The following AGBL4 variants were observed in gnomAD, a reference collection of about 807,000 sequenced individuals.
The protein encoded by AGBL4 is cytosolic carboxypeptidase 6.
AGBL4 carries 58 observed loss-of-function variants against 66.4 expected under a neutral mutation model. The ratio of observed to expected loss-of-function variants is 0.87; its 90% CI spans 0.71 to 1.09. The LOEUF (loss-of-function observed/expected upper bound fraction) is 1.09. AGBL4 is among the 50% of genes least tolerant of loss of function. AGBL4 has a pLI of 0.00. For synonymous variants in AGBL4, 234 were observed against 222.9 expected, an observed-to-expected ratio of 1.05 and a Z score of -0.44; for missense variants, 579 against 631.0, an observed-to-expected ratio of 0.92 and a Z score of 0.88.
intron 1 of AGBL4, among the ~76,000 whole-genome samples, chr1:49,918,844 G>T (rs567876758): frequency 1.7e-4 from 26 of 152,220 alleles, no homozygotes; most frequent in African/African-American, 6.3e-4. Context: ...ATAAAATACT[G>T]GCAAACCAAA....
intron 4 of AGBL4, among the ~76,000 whole-genome samples, chr1:49,224,345 C>T (rs746065543): frequency 1.4e-4 from 21 of 152,098 alleles, no homozygotes; most frequent in Admixed American, 1.3e-3. Flanking sequence ...CGGCCGGACG[C>T]GGTGACTTAT....
chr1:49,785,999 A>G (rs903036691), intron 2 of AGBL4, among the ~76,000 whole-genome samples: 34 of 151,798 alleles, frequency 2.2e-4, no homozygotes, highest in Non-Finnish European at 4.4e-4. Context: ...CGTCAGTGAC[A>G]TTGTCAAATA....
rs1050356185 is a variant in AGBL4, at chr1:49,195,592, C to T, written c.377+50178G>A. ...CTCTTGCTGATATTAGATTTTTCTT[C>T]TTCATATTGACTTTACACACTCAGA... is the stretch of plus-strand genomic sequence containing the variant. On this transcript the variant is annotated intron_variant, in intron 4 of 13. Transcript: ENST00000371839. Among the ~76,000 whole-genome samples, 4 of 152,050 alleles carry T rather than the reference C, an allele frequency of 2.6e-5. No homozygotes were observed. The East Asian group carries it at 7.7e-4, about 29-fold the overall frequency.
chr1:48,625,825 A>C (rs1299298120), intron 9 of AGBL4, among the ~76,000 whole-genome samples: 9 of 152,188 alleles, frequency 5.9e-5, no homozygotes, highest in Admixed American at 5.2e-4. Context: ...GAAGCATGAA[A>C]TCCATCTCTA....
intron 6 of AGBL4, among the ~76,000 whole-genome samples, chr1:48,856,185 A>T (rs989277065): frequency 1.3e-5 from 2 of 152,190 alleles, no homozygotes; most frequent in Non-Finnish European, 1.5e-5. Flanking sequence ...TTGTACAATG[A>T]GCATGTGCAA....
At chr1:49,695,816 G>A (rs1308628567) in intron 3 of AGBL4, among the ~76,000 whole-genome samples, 1 of 151,968 alleles carries the variant, frequency 6.6e-6, no homozygotes, top group East Asian at 1.9e-4. Flanking sequence ...TCAGTCTTGT[G>A]TCCATGGTGT....
chr1:49,223,939 G>A (rs1018379226), intron 4 of AGBL4, among the ~76,000 whole-genome samples: 4 of 152,144 alleles, frequency 2.6e-5, no homozygotes, highest in African/African-American at 9.7e-5. Context: ...GGAGGATGAC[G>A]ATCTTTCTCT....
At chr1:48,988,260 G>C (rs1201881093) in intron 5 of AGBL4, among the ~76,000 whole-genome samples, 1 of 152,120 alleles carries the variant, frequency 6.6e-6, no homozygotes, top group Admixed American at 6.6e-5. Context: ...CTTCTCCACT[G>C]TAATGTAACA....
At chr1:48,769,518 G>A (rs1010016173) in intron 6 of AGBL4, among the ~76,000 whole-genome samples, 6 of 114,946 alleles carry the variant, frequency 5.2e-5, no homozygotes, top group Admixed American at 9.5e-5. Context: ...AGTCCCAGGA[G>A]GATTTAAAAC....
At chr1:48,699,280 G>T (rs759021040) in intron 6 of AGBL4, among the ~76,000 whole-genome samples, 1 of 152,176 alleles carries the variant, frequency 6.6e-6, no homozygotes, top group Non-Finnish European at 1.5e-5. Flanking sequence ...CCTGAGTTTT[G>T]TTCTCTGTAA....
intron 3 of AGBL4, among the ~76,000 whole-genome samples, chr1:49,367,794 T>C (rs1033843518): frequency 1.3e-5 from 2 of 152,212 alleles, no homozygotes; most frequent in Non-Finnish European, 2.9e-5. Context: ...CCATTTTAAA[T>C]TATTTACCAA....
intron 2 of AGBL4, among the ~76,000 whole-genome samples, chr1:49,795,853 A>C (rs1335513684): frequency 6.6e-6 from 1 of 152,088 alleles, no homozygotes; most frequent in Non-Finnish European, 1.5e-5. Flanking sequence ...AAAGACTAGA[A>C]GAAAACTTGA....
downstream of AGBL4, among the ~76,000 whole-genome samples, chr1:48,531,203 TTTTTTC>T (rs1176795533): frequency 8.0e-6 from 1 of 124,412 alleles, no homozygotes; most frequent in Non-Finnish European, 1.9e-5. Context: ...GCCAGCTTTT[TTTTTTC>T]TCTCTCTCTC....
intron 3 of AGBL4, among the ~76,000 whole-genome samples, chr1:49,279,680 T>C (rs925092016): frequency 6.6e-6 from 1 of 152,112 alleles, no homozygotes; most frequent in Admixed American, 6.6e-5. Context: ...ATTCCAAACC[T>C]GCTAAAACCA....
intron 6 of AGBL4, among the ~76,000 whole-genome samples, chr1:48,716,553 T>C (rs894982216): frequency 2.0e-5 from 3 of 152,016 alleles, no homozygotes; most frequent in Non-Finnish European, 2.9e-5. Flanking sequence ...GGGGAGAGAC[T>C]GGGAGGGATG....
chr1:49,869,595 G>A (rs1273348037), intron 1 of AGBL4, among the ~76,000 whole-genome samples: 2 of 152,142 alleles, frequency 1.3e-5, no homozygotes, highest in Admixed American at 1.3e-4. Flanking sequence ...GGCCTGTCTG[G>A]AGTTGAGTAC....
intron 3 of AGBL4, among the ~76,000 whole-genome samples, chr1:49,499,261 T>A (rs981220246): frequency 6.6e-6 from 1 of 152,080 alleles, no homozygotes; most frequent in African/African-American, 2.4e-5. Flanking sequence ...ATTTTCTATT[T>A]CTTCATGATT....
intron 1 of AGBL4, among the ~76,000 whole-genome samples, chr1:49,866,720 C>T (rs868333328): frequency 2.0e-5 from 3 of 152,030 alleles, no homozygotes; most frequent in Non-Finnish European, 2.9e-5. Flanking sequence ...GCCGAGATCA[C>T]GCCATTGCAC....
intron 5 of AGBL4, among the ~76,000 whole-genome samples, chr1:48,914,658 G>A (rs2148885342): frequency 6.6e-6 from 1 of 152,288 alleles, no homozygotes; most frequent in Admixed American, 6.5e-5. Flanking sequence ...TGTCCTAGAA[G>A]CCTTGTGAGT....
Sources: allele counts gnomAD v4.1 joint callset (sites outside exome capture counted in the v4.1 genomes callset), GRCh38; gene constraint gnomAD v4.1.1; transcripts MANE v1.5; gene names NCBI Gene and HGNC (gene_info 2026-07-23, HGNC 2026-07-21).